Variants in CACNA1C observed in about 807,000 individuals in gnomAD.
The protein encoded by CACNA1C is calcium voltage-gated channel subunit alpha1 C, also known as voltage-dependent L-type calcium channel subunit alpha-1C.
Under a neutral mutation model 229.0 loss-of-function variants are expected in CACNA1C, and 30 were observed. The ratio of observed to expected loss-of-function variants is 0.13; its 90% CI spans 0.10 to 0.18. CACNA1C has a LOEUF of 0.18. Among genes scored for constraint, CACNA1C ranks in the 10% least tolerant of loss-of-function variants. The pLI is 1.00. For missense variants in CACNA1C, 1,658 were observed against 2,845.0 expected (o/e 0.58, Z 9.49); for synonymous variants, 1,114 against 1,132.5 (o/e 0.98, Z 0.33).
intron 3 of CACNA1C, among the ~76,000 whole-genome samples, chr12:2,315,876 T>C (rs1409520440): frequency 6.6e-6 from 1 of 152,222 alleles, no homozygotes; most frequent in Non-Finnish European, 1.5e-5. Context: ...GCCCTAAGAA[T>C]AATGGCTTTT....
Position 2,159,017 on chromosome 12 carries a change from A to C in CACNA1C, c.477+38587A>C, listed in dbSNP as rs902331462. On this transcript the variant is annotated intron_variant, in intron 3 of 46. Transcript: ENST00000399655. Reference sequence around the variant, plus strand: ...CCTTACCTTCTATGATGAGGAAAAAACCTTAAAAATCACCAAGGGGCTACA... The same window carrying C: ...CCTTACCTTCTATGATGAGGAAAAACCCTTAAAAATCACCAAGGGGCTACA... Among the ~76,000 whole-genome samples the C allele has an allele frequency of 2.0e-5, 3 of 152,234 alleles. No individual in the cohort carries two copies. In the East Asian group the frequency reaches 5.8e-4, roughly 29 times the overall value.
At chr12:2,331,157 ACCT>A (rs371567364) in intron 3 of CACNA1C, among the ~76,000 whole-genome samples, 2 of 152,304 alleles carry the variant, frequency 1.3e-5, no homozygotes, top group Middle Eastern at 3.4e-3. Flanking sequence ...GAAGTGTTCA[ACCT>A]CAGCAATAAT....
intron 1 of CACNA1C, among the ~76,000 whole-genome samples, chr12:2,097,418 T>C (rs562624222): frequency 5.8e-4 from 89 of 152,274 alleles, no homozygotes; most frequent in Admixed American, 2.8e-3. Flanking sequence ...AGTGCTGGGA[T>C]TACAGATGTG....
chr12:2,472,182 C>G (rs982658840), intron 5 of CACNA1C, among the ~76,000 whole-genome samples: 4 of 152,142 alleles, frequency 2.6e-5, no homozygotes, highest in Admixed American at 2.0e-4. Context: ...TTGGGGCCAT[C>G]ATTTCTTCAA....
intron 3 of CACNA1C, among the ~76,000 whole-genome samples, chr12:2,266,946 A>G (rs1393533863): frequency 6.6e-6 from 1 of 152,250 alleles, no homozygotes. Flanking sequence ...GGTTACTCAC[A>G]GTGATAACAG....
chr12:2,080,203 A>G (rs1320254362), intron 1 of CACNA1C, among the ~76,000 whole-genome samples: 1 of 152,214 alleles, frequency 6.6e-6, no homozygotes, highest in African/African-American at 2.4e-5. Context: ...CAGAGGTTAC[A>G]GTGAGCTGAG....
intron 5 of CACNA1C, among the ~76,000 whole-genome samples, chr12:2,485,513 C>A (rs1245520647): frequency 6.6e-6 from 1 of 152,156 alleles, no homozygotes; most frequent in Non-Finnish European, 1.5e-5. Context: ...TTCCTTTACT[C>A]TTTTTTACCA....
At chr12:2,290,086 G>A (rs562062235) in intron 3 of CACNA1C, among the ~76,000 whole-genome samples, 6 of 152,284 alleles carry the variant, frequency 3.9e-5, no homozygotes, top group South Asian at 2.1e-4. Flanking sequence ...AAAATGAAGC[G>A]ATTCAGGGGA....
At chr12:2,099,245 T>G (rs2075451924) in intron 1 of CACNA1C, among the ~76,000 whole-genome samples, 1 of 152,254 alleles carries the variant, frequency 6.6e-6, no homozygotes, top group South Asian at 2.1e-4. Context: ...GTTTCTCAGC[T>G]AATTTTCAAA....
At chr12:2,367,114 T>C (rs899517476) in intron 3 of CACNA1C, among the ~76,000 whole-genome samples, 2 of 152,190 alleles carry the variant, frequency 1.3e-5, no homozygotes, top group Admixed American at 1.3e-4. Context: ...AAGATAATTT[T>C]TCCACTGACT....
chr12:2,508,283 A>G (rs2099776198), intron 8 of CACNA1C, among the ~76,000 whole-genome samples: 1 of 152,238 alleles, frequency 6.6e-6, no homozygotes, highest in African/African-American at 2.4e-5. Context: ...GTCACTAAGG[A>G]AAGATTGAAC....
Position 2,190,501 on chromosome 12 carries a change from A to G in CACNA1C, c.477+70071A>G, listed in dbSNP as rs570206518. 1.4e-4 allele frequency among the ~76,000 whole-genome samples: 21 copies of G among 152,344 alleles called. 1 individual carries two copies. In the South Asian group the frequency reaches 4.4e-3, roughly 32 times the overall value. On this transcript the variant is annotated intron_variant, in intron 3 of 46. Transcript: ENST00000399655. The stretch of plus-strand genomic sequence containing the variant: ...GTGTTGGGTTCCACTAGGCCCTGCC[A>G]GCCATTCACTTATTTATTCATTACG...
intron 3 of CACNA1C, among the ~76,000 whole-genome samples, chr12:2,195,035 C>A (rs779981282): frequency 6.6e-6 from 1 of 152,158 alleles, no homozygotes; most frequent in African/African-American, 2.4e-5. Flanking sequence ...CTAATGTTGT[C>A]TTGAAAATGA....
At chr12:2,412,017 A>G (rs1165963165) in intron 3 of CACNA1C, among the ~76,000 whole-genome samples, 1 of 152,038 alleles carries the variant, frequency 6.6e-6, no homozygotes, top group Non-Finnish European at 1.5e-5. Context: ...TTCTTGCTCG[A>G]GCTAGGCCCT....
chr12:2,312,337 C>T (rs1301674791), intron 3 of CACNA1C, among the ~76,000 whole-genome samples: 6 of 152,138 alleles, frequency 3.9e-5, no homozygotes, highest in Admixed American at 1.3e-4. Flanking sequence ...GGCAGGCGTG[C>T]GGGTGTGCAC....
intron 29 of CACNA1C, among the ~76,000 whole-genome samples, chr12:2,618,741 C>T (rs962763460): frequency 1.3e-5 from 2 of 152,224 alleles, no homozygotes; most frequent in African/African-American, 4.8e-5. Flanking sequence ...CTTAAAAGCT[C>T]AGTCAAGGAC....
At chr12:2,558,431 C>T (rs1342604078) in intron 11 of CACNA1C, among the ~76,000 whole-genome samples, 2 of 152,206 alleles carry the variant, frequency 1.3e-5, no homozygotes, top group African/African-American at 2.4e-5. Flanking sequence ...GCTCTCTGAC[C>T]CTTGAGTTCT....
rs200022722 is a variant in CACNA1C, at chr12:2,493,164, C to A, written c.917-26C>A. The A allele has an allele frequency of 8.7e-6, 14 of 1,602,018 alleles. No individual in the cohort carries two copies. Among genetic ancestry groups the A allele is most frequent in the Non-Finnish European group, 1.1e-5 (13 of 1,169,368 alleles). ...ATCTCTCCCTCCCTGCTGCTCCCGT[C>A]TCCTGTCTTCTTCTGGCCATTTGAG... On this transcript the variant is annotated intron_variant, in intron 6 of 46. Transcript: ENST00000399655. The surrounding 1 kb of genome is among the most constrained non-coding windows in gnomAD (Gnocchi z 4.6).
chr12:2,342,552 T>C (rs775986401), intron 3 of CACNA1C, among the ~76,000 whole-genome samples: 13 of 152,226 alleles, frequency 8.5e-5, no homozygotes, highest in Admixed American at 2.0e-4. Flanking sequence ...AGGTGCCCAG[T>C]GCATTTATAA....
Sources: allele counts gnomAD v4.1 joint callset (sites outside exome capture counted in the v4.1 genomes callset), GRCh38; gene constraint gnomAD v4.1.1; non-coding constraint Gnocchi (gnomAD v3.1); transcripts MANE v1.5; gene names NCBI Gene and HGNC (gene_info 2026-07-23, HGNC 2026-07-21).